The following KCNH5 variants were observed in gnomAD, a reference collection of about 807,000 sequenced individuals.
The protein encoded by KCNH5 is voltage-gated delayed rectifier potassium channel KCNH5.
A neutral mutation model predicts 96.1 loss-of-function variants in KCNH5; 46 were observed. The observed-to-expected ratio is 0.48, with a 90% CI of 0.38 to 0.61. The LOEUF (loss-of-function observed/expected upper bound fraction) is 0.61, where lower values mean the gene tolerates loss of function less well. Among genes scored for constraint, KCNH5 ranks in the 20% least tolerant of loss-of-function variants. The probability of loss-of-function intolerance (pLI) is 0.00; values close to 1 mark genes in which losing one functional copy is unlikely to be tolerated. For missense variants in KCNH5, 907 were observed against 1,225.8 expected (o/e 0.74, Z 3.88); for synonymous variants, 439 against 449.8 (o/e 0.98, Z 0.30).
At chr14:63,025,335 T>C (rs1259613612) in intron 1 of KCNH5, among the ~76,000 whole-genome samples, 1 of 152,082 alleles carries the variant, frequency 6.6e-6, no homozygotes, top group Non-Finnish European at 1.5e-5. Context: ...ATCCTGTTCT[T>C]ACCACTTCTG....
At chr14:62,927,223 C>A (rs1889493329) in intron 7 of KCNH5, among the ~76,000 whole-genome samples, 1 of 152,056 alleles carries the variant, frequency 6.6e-6, no homozygotes, top group South Asian at 2.1e-4. Flanking sequence ...AAGATGGCTA[C>A]TTGCAGAAAA....
chr14:62,841,628 C>T lies in KCNH5; in HGVS notation c.1569+8025G>A, dbSNP rs572077740. On this transcript the variant is annotated intron_variant, in intron 8 of 10. Transcript: ENST00000322893. ...GTGCCCACTGAATACCAAGCAAAAA[C>T]TAAGATTTAAAATGGTGCCAGGCAT... Among the ~76,000 whole-genome samples, 37 of 152,322 alleles carry T rather than the reference C, an allele frequency of 2.4e-4. 2 individuals carry two copies. The South Asian group carries it at 7.2e-3, about 30-fold the overall frequency.
At chr14:62,947,634 G>A (rs959469392) in intron 7 of KCNH5, among the ~76,000 whole-genome samples, 3 of 151,842 alleles carry the variant, frequency 2.0e-5, no homozygotes, top group Non-Finnish European at 2.9e-5. Flanking sequence ...TCCAGCAAAC[G>A]CCCTTGGAGT....
intron 7 of KCNH5, among the ~76,000 whole-genome samples, chr14:62,919,901 A>C (rs960325629): frequency 6.6e-6 from 1 of 152,136 alleles, no homozygotes; most frequent in African/African-American, 2.4e-5. Context: ...AGAGAGAGAG[A>C]GGTCAGCGAA....
intron 9 of KCNH5, among the ~76,000 whole-genome samples, chr14:62,788,028 A>G (rs2139985106): frequency 6.6e-6 from 1 of 152,318 alleles, no homozygotes; most frequent in South Asian, 2.1e-4. Context: ...CTTATTATTC[A>G]AGAAATATAC....
At chr14:62,710,463 A>G (rs985280555) in intron 10 of KCNH5, among the ~76,000 whole-genome samples, 1 of 152,240 alleles carries the variant, frequency 6.6e-6, no homozygotes, top group African/African-American at 2.4e-5. Flanking sequence ...TAAGTCTTCA[A>G]GATATGAACA....
intron 6 of KCNH5, among the ~76,000 whole-genome samples, chr14:62,955,548 A>G (rs1441449458): frequency 2.0e-5 from 3 of 152,212 alleles, no homozygotes; most frequent in Non-Finnish European, 4.4e-5. Context: ...CCAGATTCAC[A>G]TTCAGGCAGT....
intron 7 of KCNH5, among the ~76,000 whole-genome samples, chr14:62,897,604 C>G (rs988671875): frequency 6.6e-6 from 1 of 152,058 alleles, no homozygotes; most frequent in African/African-American, 2.4e-5. Context: ...CCTGTTTGAC[C>G]CAGAACAAGG....
At chr14:62,935,610 G>C (rs551797755) in intron 7 of KCNH5, among the ~76,000 whole-genome samples, 21 of 152,242 alleles carry the variant, frequency 1.4e-4, no homozygotes, top group Middle Eastern at 3.4e-3. Context: ...CATTACCTTA[G>C]CTCCTTCCCA....
chr14:62,904,623 A>G (rs1173602008), intron 7 of KCNH5, among the ~76,000 whole-genome samples: 2 of 152,220 alleles, frequency 1.3e-5, no homozygotes, highest in Non-Finnish European at 2.9e-5. Context: ...GTAAGCCTTC[A>G]TCAAAGTTAG....
At chr14:62,799,726 T>TATATATATATATATATACAC (rs1213484157) in intron 9 of KCNH5, among the ~76,000 whole-genome samples, 4 of 68,662 alleles carry the variant, frequency 5.8e-5, no homozygotes, top group African/African-American at 1.5e-4. Flanking sequence ...TATATATATA[T>TATATATATATATATATACAC]ACACACACAC....
At position 62,954,972 on chromosome 14, in the gene KCNH5, C is replaced by T. The variant is rs772199514; in HGVS notation, c.943-4413G>A. Among the ~76,000 whole-genome samples the T allele has an allele frequency of 3.6e-4, 54 of 151,822 alleles. 2 individuals are homozygous for T. Among genetic ancestry groups the T allele is most frequent in the African/African-American group, 2.2e-4 (9 of 41,318 alleles). On this transcript the variant is annotated intron_variant, in intron 6 of 10. Coordinates refer to ENST00000322893, the MANE Select transcript of KCNH5 (RefSeq NM_139318.5). ...CCAACTGGTCCCTCTCACAACACCT[C>T]GGAATTATGGAAGCTACAATTTAAG... is the stretch of plus-strand genomic sequence containing the variant.
chr14:62,864,320 A>G (rs1280745704), intron 7 of KCNH5, among the ~76,000 whole-genome samples: 1 of 152,198 alleles, frequency 6.6e-6, no homozygotes, highest in African/African-American at 2.4e-5. Flanking sequence ...CAATTAGGTC[A>G]ATTTCCAATT....
At chr14:62,951,669 G>A (rs1394691385) in intron 6 of KCNH5, among the ~76,000 whole-genome samples, 1 of 152,134 alleles carries the variant, frequency 6.6e-6, no homozygotes, top group Non-Finnish European at 1.5e-5. Context: ...CAGTTAAGAA[G>A]GAAACAGTTG....
chr14:62,790,226 A>AT (rs1283959835), intron 9 of KCNH5, among the ~76,000 whole-genome samples: 3 of 151,670 alleles, frequency 2.0e-5, no homozygotes, highest in African/African-American at 7.3e-5. Context: ...GTTTGGATTT[A>AT]TTTCTGGGCT....
At chr14:62,899,324 T>C (rs550569026) in intron 7 of KCNH5, among the ~76,000 whole-genome samples, 1 of 152,236 alleles carries the variant, frequency 6.6e-6, no homozygotes, top group South Asian at 2.1e-4. Context: ...CAATAACCTA[T>C]GTATGGGTCA....
At position 62,710,841 on chromosome 14, in the gene KCNH5, T is replaced by C. The variant is rs185362952; in HGVS notation, c.2020-2386A>G. Among the ~76,000 whole-genome samples the C allele has an allele frequency of 2.0e-5, 3 of 152,350 alleles. No individual in the cohort carries two copies. The East Asian group carries it at 5.8e-4, about 29-fold the overall frequency. ...CTAAAAACATCAGACATTATAAATCTGAATTGGACATATGTATCCTTTAAC... is the reference window on the plus strand; with the variant it reads ...CTAAAAACATCAGACATTATAAATCCGAATTGGACATATGTATCCTTTAAC... On this transcript the variant is annotated intron_variant, in intron 10 of 10. Coordinates refer to ENST00000322893, the MANE Select transcript of KCNH5 (RefSeq NM_139318.5).
chr14:62,815,965 A>G lies in KCNH5; in HGVS notation c.1570-13384T>C, dbSNP rs192740030. ...AGTAAAGAATATATTGATTGATTAT[A>G]TTTTTTATATTACTTCTAAATCCAA... is the stretch of plus-strand genomic sequence containing the variant. On this transcript the variant is annotated intron_variant, in intron 8 of 10. Transcript: ENST00000322893. 1.7e-3 allele frequency among the ~76,000 whole-genome samples: 263 copies of G among 152,016 alleles called. 3 individuals carry two copies. Among genetic ancestry groups the G allele is most frequent in the South Asian group, 1.9e-3 (9 of 4,830 alleles).
intron 7 of KCNH5, among the ~76,000 whole-genome samples, chr14:62,867,055 T>A (rs1413374842): frequency 2.0e-5 from 3 of 152,156 alleles, no homozygotes; most frequent in Non-Finnish European, 4.4e-5. Context: ...CCAAATGGGA[T>A]ACAGCTTGCT....
Sources: allele counts gnomAD v4.1 joint callset (sites outside exome capture counted in the v4.1 genomes callset), GRCh38; gene constraint gnomAD v4.1.1; transcripts MANE v1.5; gene names NCBI Gene and HGNC (gene_info 2026-07-23, HGNC 2026-07-21).